WWOX: variants seen among roughly 807,000 people sequenced by gnomAD.
WWOX encodes the protein WW domain containing oxidoreductase.
In WWOX, 69 loss-of-function variants were observed where a neutral mutation model predicts 46.2. The ratio of observed to expected loss-of-function variants is 1.49; its 90% CI spans 1.23 to 1.82. The LOEUF is 1.82. Among genes scored for constraint, WWOX ranks in the 40% most tolerant of loss-of-function variants. WWOX has a pLI of 0.00. For missense variants in WWOX, 919 were observed against 542.6 expected (o/e 1.69, Z -6.89); for synonymous variants, 359 against 202.6 (o/e 1.77, Z -6.56).
chr16:78,292,242 G>A (rs986572148), intron 5 of WWOX, among the ~76,000 whole-genome samples: 1 of 152,040 alleles, frequency 6.6e-6, no homozygotes, highest in African/African-American at 2.4e-5. Flanking sequence ...CATGAGGGCA[G>A]GGGCAACTCC....
At chr16:78,727,072 G>C (rs7184589) in intron 8 of WWOX, among the ~76,000 whole-genome samples, 1 of 152,136 alleles carries the variant, frequency 6.6e-6, no homozygotes, top group African/African-American at 2.4e-5. Flanking sequence ...AGTGCCCTTG[G>C]CAGACCATGC....
At chr16:78,850,619 C>A (rs956829486) in intron 8 of WWOX, among the ~76,000 whole-genome samples, 1 of 152,146 alleles carries the variant, frequency 6.6e-6, no homozygotes, top group African/African-American at 2.4e-5. Flanking sequence ...TTCATATTTA[C>A]CATCACCATC....
At chr16:78,781,154 C>T (rs2050314005) in intron 8 of WWOX, among the ~76,000 whole-genome samples, 1 of 152,192 alleles carries the variant, frequency 6.6e-6, no homozygotes, top group African/African-American at 2.4e-5. Context: ...AATGATGACA[C>T]ATTCACCACA....
At chr16:78,778,063 A>T (rs915582581) in intron 8 of WWOX, among the ~76,000 whole-genome samples, 2 of 151,518 alleles carry the variant, frequency 1.3e-5, no homozygotes, top group Admixed American at 6.6e-5. Context: ...AAAAAAAAAA[A>T]AGACATTTAC....
chr16:78,134,673 C>CT (rs2033726775), intron 4 of WWOX, among the ~76,000 whole-genome samples: 1 of 152,128 alleles, frequency 6.6e-6, no homozygotes, highest in African/African-American at 2.4e-5. Flanking sequence ...TTATGAGCTG[C>CT]TTATGGCAAG....
intron 5 of WWOX, among the ~76,000 whole-genome samples, chr16:78,300,448 A>G (rs1169753740): frequency 6.6e-6 from 1 of 151,734 alleles, no homozygotes; most frequent in Non-Finnish European, 1.5e-5. Flanking sequence ...TTATTCTCTA[A>G]TCTCAGGAGT....
intron 4 of WWOX, among the ~76,000 whole-genome samples, chr16:78,137,946 A>G (rs915868652): frequency 1.3e-5 from 2 of 150,970 alleles, no homozygotes; most frequent in Admixed American, 6.6e-5. Flanking sequence ...AAACAGCACA[A>G]GAGGAAGTGA....
intron 8 of WWOX, among the ~76,000 whole-genome samples, chr16:79,142,744 G>A (rs996960339): frequency 6.6e-6 from 1 of 152,226 alleles, no homozygotes; most frequent in Middle Eastern, 3.4e-3. Context: ...CGTTCCCTAG[G>A]CGGGACTGCA....
rs554993627 is a variant in WWOX, at chr16:78,398,235, G to C, written c.605+11287G>C. Among the ~76,000 whole-genome samples, 6 of 152,258 alleles carry C rather than the reference G, an allele frequency of 3.9e-5. No homozygotes were observed. In the East Asian group the frequency reaches 9.7e-4, roughly 24 times the overall value. ...CCTGCAAATAGCTACACTTCCTGCT[G>C]TGGCCCACCCAGGCCTCTGGGATCT... On this transcript the variant is annotated intron_variant, in intron 6 of 8. Coordinates refer to ENST00000566780, the MANE Select transcript of WWOX (RefSeq NM_016373.4).
intron 6 of WWOX, among the ~76,000 whole-genome samples, chr16:78,412,378 G>GT (rs2082701869): frequency 6.6e-6 from 1 of 152,186 alleles, no homozygotes; most frequent in African/African-American, 2.4e-5. Flanking sequence ...AGACTGACAG[G>GT]TGGGAATGAG....
chr16:78,745,489 G>GA (rs2049326816), intron 8 of WWOX, among the ~76,000 whole-genome samples: 2 of 150,868 alleles, frequency 1.3e-5, no homozygotes, highest in South Asian at 2.1e-4. Context: ...TAGCGTTTGG[G>GA]GGTCACTCCA....
At chr16:78,831,614 A>C (rs1165319327) in intron 8 of WWOX, among the ~76,000 whole-genome samples, 2 of 152,194 alleles carry the variant, frequency 1.3e-5, no homozygotes, top group African/African-American at 2.4e-5. Context: ...TAGGTGGGTC[A>C]CTCAGTCTTT....
chr16:78,734,954 C>A (rs1417847313), intron 8 of WWOX, among the ~76,000 whole-genome samples: 1 of 145,308 alleles, frequency 6.9e-6, no homozygotes, highest in African/African-American at 2.6e-5. Flanking sequence ...CAACCTCAGC[C>A]TCCCAGGTTC....
intron 8 of WWOX, among the ~76,000 whole-genome samples, chr16:78,887,618 A>G (rs1181140053): frequency 1.3e-5 from 2 of 152,160 alleles, no homozygotes; most frequent in East Asian, 1.9e-4. Context: ...CCATCAGCCA[A>G]TGTGTAAGTA....
chr16:78,453,143 G>A (rs2083732158), intron 8 of WWOX, among the ~76,000 whole-genome samples: 1 of 152,108 alleles, frequency 6.6e-6, no homozygotes, highest in Admixed American at 6.5e-5. Flanking sequence ...TTATTCCTCA[G>A]CCCTGTGTGG....
At chr16:78,320,593 G>C (rs535068518) in intron 5 of WWOX, among the ~76,000 whole-genome samples, 2 of 152,150 alleles carry the variant, frequency 1.3e-5, no homozygotes, top group Non-Finnish European at 2.9e-5. Flanking sequence ...TTACCTCTTG[G>C]CCAAATGCTT....
intron 8 of WWOX, among the ~76,000 whole-genome samples, chr16:78,725,095 C>G (rs946386175): frequency 6.6e-6 from 1 of 151,934 alleles, no homozygotes; most frequent in Admixed American, 6.6e-5. Flanking sequence ...GGGGTGGTTC[C>G]CCCATACTGT....
At chr16:78,783,970 G>T (rs2050394597) in intron 8 of WWOX, among the ~76,000 whole-genome samples, 1 of 152,006 alleles carries the variant, frequency 6.6e-6, no homozygotes, top group Non-Finnish European at 1.5e-5. Flanking sequence ...TGCTGGTGAT[G>T]ATGATAATGA....
At chr16:79,094,729 A>C (rs143357844) in intron 8 of WWOX, among the ~76,000 whole-genome samples, 12 of 152,170 alleles carry the variant, frequency 7.9e-5, no homozygotes, top group African/African-American at 2.7e-4. Context: ...TCTGAAGATA[A>C]ACCTGGAATG....
Sources: gnomAD v4.1 joint callset for allele counts (sites outside exome capture counted in the v4.1 genomes callset) on GRCh38, gnomAD v4.1.1 for gene constraint, MANE v1.5 for transcripts, NCBI Gene and HGNC (gene_info 2026-07-23, HGNC 2026-07-21) for gene names.